The following ADCY9 variants were observed in gnomAD, a reference collection of about 807,000 sequenced individuals.
ADCY9 encodes the protein adenylate cyclase type 9.
Under a neutral mutation model 101.5 loss-of-function variants are expected in ADCY9, and 50 were observed. The ratio of observed to expected loss-of-function variants is 0.49; its 90% CI spans 0.39 to 0.62. ADCY9 has a LOEUF of 0.62. ADCY9 is among the 20% of genes least tolerant of loss of function. ADCY9 has a pLI of 0.00. For missense variants in ADCY9, 1,662 were observed against 1,800.4 expected (o/e 0.92, Z 1.39); for synonymous variants, 905 against 769.3 (o/e 1.18, Z -2.92).
Position 3,987,459 on chromosome 16 carries a change from C to G in ADCY9, c.2310+1535G>C, listed in dbSNP as rs76292194. Among the ~76,000 whole-genome samples the G allele has an allele frequency of 7.7e-3, 1,177 of 152,350 alleles. 14 individuals carry two copies. Among genetic ancestry groups the G allele is most frequent in the African/African-American group, 0.026 (1,070 of 41,584 alleles). On this transcript the variant is annotated intron_variant, in intron 6 of 10. Coordinates refer to ENST00000294016, the MANE Select transcript of ADCY9 (RefSeq NM_001116.4). ...TCCGACCCCGGCTATGGGACCACAG[C>G]CACCTGTTCAGCCTTGCTCAGCGTC...
At chr16:4,075,644 A>C (rs545204466) in intron 2 of ADCY9, among the ~76,000 whole-genome samples, 5 of 152,184 alleles carry the variant, frequency 3.3e-5, no homozygotes, top group African/African-American at 1.2e-4. Flanking sequence ...ATGTTGCAAA[A>C]TGTGTCCTGG....
chr16:4,090,621 G>A (rs983512981), intron 2 of ADCY9, among the ~76,000 whole-genome samples: 2 of 151,980 alleles, frequency 1.3e-5, no homozygotes, highest in African/African-American at 4.8e-5. Flanking sequence ...TCGACCCCAC[G>A]GAAACCAGAG....
At chr16:4,056,234 G>A (rs763128905) in intron 2 of ADCY9, among the ~76,000 whole-genome samples, 1 of 152,152 alleles carries the variant, frequency 6.6e-6, no homozygotes, top group Non-Finnish European at 1.5e-5. Flanking sequence ...AAAATGCTGT[G>A]GCTTCAAAGT....
At chr16:4,069,617 T>C (rs1007073188) in intron 2 of ADCY9, among the ~76,000 whole-genome samples, 4 of 152,178 alleles carry the variant, frequency 2.6e-5, no homozygotes, top group Non-Finnish European at 2.9e-5. Context: ...TGTTCAATTT[T>C]TGCTATTCTC....
intron 2 of ADCY9, among the ~76,000 whole-genome samples, chr16:4,100,432 C>T (rs779535558): frequency 1.8e-4 from 28 of 152,028 alleles, no homozygotes; most frequent in Non-Finnish European, 3.7e-4. Flanking sequence ...TAGGTTCCAG[C>T]GATTCTCCTG....
At chr16:4,012,168 C>T (rs1395378539) in intron 2 of ADCY9, among the ~76,000 whole-genome samples, 2 of 152,182 alleles carry the variant, frequency 1.3e-5, no homozygotes, top group Admixed American at 6.5e-5. Context: ...GTCAAACACA[C>T]CTCCGTGTCC....
At position 4,114,986 on chromosome 16, in the gene ADCY9, G is replaced by A. The variant is rs3730098; in HGVS notation, c.457C>T (p.Leu153Phe). ...IVMVAPALCF[L>F]LVCVGFFLFT... is the part of the protein sequence containing the mutation. ...AGAAAGAAGCCCACACACACCAGGA[G>A]GAAGCACAGCGCGGGGGCGACCATG... Residue 153 changes from leucine (L) to phenylalanine (F), a missense_variant, in exon 2 of 11, where the codon CTC becomes TTC. Leu to Phe is a conservative substitution (Grantham distance 22). Transcript: ENST00000294016. This position sits in a 1 kb window ranked among gnomAD's most constrained non-coding sequence, Gnocchi z 4.3. 6.2e-5 allele frequency: 100 copies of A among 1,614,094 alleles called. No individual in the cohort carries two copies. The highest frequency in any genetic ancestry group is 8.2e-5 in the Non-Finnish European group (97 of 1,180,040).
intron 2 of ADCY9, among the ~76,000 whole-genome samples, chr16:4,014,714 C>G (rs573896982): frequency 6.6e-6 from 1 of 152,000 alleles, no homozygotes; most frequent in Non-Finnish European, 1.5e-5. Flanking sequence ...TCCCAAAGTG[C>G]TGGGATTAAA....
chr16:3,993,232 C>T (rs2056259997), intron 4 of ADCY9, 174 bp downstream of exon 4: 1 of 1,205,296 alleles, frequency 8.3e-7, no homozygotes, highest in Admixed American at 2.8e-5. Flanking sequence ...TGCTGCTGAC[C>T]CTCCCTCGAG....
At chr16:4,070,166 T>C (rs1416651980) in intron 2 of ADCY9, among the ~76,000 whole-genome samples, 1 of 152,152 alleles carries the variant, frequency 6.6e-6, no homozygotes. Flanking sequence ...CATTCTCTTT[T>C]GTACTTTTAA....
chr16:4,045,952 C>T (rs1263727547), intron 2 of ADCY9, among the ~76,000 whole-genome samples: 1 of 150,116 alleles, frequency 6.7e-6, no homozygotes, highest in African/African-American at 2.5e-5. Flanking sequence ...TCAAGCGATC[C>T]TCCCATTTCA....
intron 2 of ADCY9, among the ~76,000 whole-genome samples, chr16:4,061,745 C>T (rs960073150): frequency 7.2e-5 from 11 of 152,084 alleles, no homozygotes; most frequent in Admixed American, 6.6e-4. Flanking sequence ...GAAAAAAACA[C>T]CAGATTATAT....
At chr16:3,967,744 C>G (rs189456002) in intron 10 of ADCY9, among the ~76,000 whole-genome samples, 11 of 146,482 alleles carry the variant, frequency 7.5e-5, no homozygotes, top group Non-Finnish European at 1.5e-4. Flanking sequence ...GTTGCCCAGG[C>G]TAGAGTGCAG....
chr16:4,000,514 T>C (rs941823070), intron 3 of ADCY9, among the ~76,000 whole-genome samples: 1 of 152,040 alleles, frequency 6.6e-6, no homozygotes. Flanking sequence ...TAGAGAAAAA[T>C]AGAAGCAGAA....
chr16:4,083,820 C>G (rs74005718), intron 2 of ADCY9, among the ~76,000 whole-genome samples: 1 of 152,232 alleles, frequency 6.6e-6, no homozygotes, highest in South Asian at 2.1e-4. Flanking sequence ...TGCAAAGAGA[C>G]AGAAAGCAGC....
intron 2 of ADCY9, among the ~76,000 whole-genome samples, chr16:4,058,789 G>A (rs139796964): frequency 1.3e-3 from 204 of 152,248 alleles, no homozygotes; most frequent in African/African-American, 4.9e-3. Context: ...TTAGAATTCT[G>A]TCCTTGCCAG....
Position 4,115,086 on chromosome 16 carries a change from C to G in ADCY9, c.357G>C (p.Ala119=), listed in dbSNP as rs367912073. 1.9e-6 allele frequency: 3 copies of G among 1,613,862 alleles called. No individual in the cohort carries two copies. In the African/African-American group the frequency reaches 4.0e-5, roughly 22 times the overall value. ...FPQTQRRFRY[A]LFYIGFACLL... ...GGCAGGCGAAGCCGATGTAGAAGAG[C>G]GCATACCGGAACCGGCGCTGGGTCT... Residue 119 remains alanine (A), a synonymous_variant, in exon 2 of 11, where the codon GCG becomes GCC. Coordinates refer to ENST00000294016, the MANE Select transcript of ADCY9 (RefSeq NM_001116.4). The surrounding 1 kb of genome is among the most constrained non-coding windows in gnomAD (Gnocchi z 6.2).
rs1047024842 is a variant in ADCY9, at chr16:3,965,724, A to G, written c.*51T>C. 1.0e-5 allele frequency: 16 copies of G among 1,530,802 alleles called. No homozygotes were observed. Among genetic ancestry groups the G allele is most frequent in the Non-Finnish European group, 1.4e-5 (16 of 1,125,484 alleles). The allele number at this position is 1,530,802 out of a possible 1,614,324, so 94.8% of individuals were successfully genotyped here. A position where few individuals can be genotyped will look rare whatever the true frequency, so the allele number is the denominator to read the frequency against. On this transcript the variant is annotated 3_prime_UTR_variant, in exon 11 of 11. Coordinates refer to ENST00000294016, the MANE Select transcript of ADCY9 (RefSeq NM_001116.4). ...GAAAGCACAACAGCCAAATACAAAT[A>G]TTACTGTGTTTCGACAAACAGAGCA...
At chr16:4,050,772 C>T (rs993851581) in intron 2 of ADCY9, among the ~76,000 whole-genome samples, 7 of 151,210 alleles carry the variant, frequency 4.6e-5, no homozygotes, top group African/African-American at 1.2e-4. Flanking sequence ...TCCTTGTAGC[C>T]GTAATAGCCC....
Sources: gnomAD v4.1 joint callset for allele counts (sites outside exome capture counted in the v4.1 genomes callset) on GRCh38, gnomAD v4.1.1 for gene constraint, Gnocchi (gnomAD v3.1) non-coding constraint, MANE v1.5 for transcripts, NCBI Gene and HGNC (gene_info 2026-07-23, HGNC 2026-07-21) for gene names.